The following NTN1 variants were observed in gnomAD, a reference collection of about 807,000 sequenced individuals.
NTN1 encodes the protein netrin-1.
NTN1 carries 11 observed loss-of-function variants against 54.2 expected under a neutral mutation model. That is an observed-to-expected ratio of 0.20 (90% CI 0.13 to 0.34). The LOEUF is 0.34. Among genes scored for constraint, NTN1 ranks in the 10% least tolerant of loss-of-function variants. The pLI is 1.00. For synonymous variants in NTN1, 371 were observed against 382.0 expected, an observed-to-expected ratio of 0.97 and a Z score of 0.33; for missense variants, 740 against 893.1, an observed-to-expected ratio of 0.83 and a Z score of 2.18.
chr17:9,187,279 A>C (rs527927274), intron 5 of NTN1, among the ~76,000 whole-genome samples: 14 of 152,214 alleles, frequency 9.2e-5, no homozygotes, highest in African/African-American at 3.4e-4. Context: ...GGAAGTCACA[A>C]GTTGGACTGC....
intron 2 of NTN1, among the ~76,000 whole-genome samples, chr17:9,054,107 C>T (rs2091969983): frequency 1.3e-5 from 2 of 152,174 alleles, no homozygotes; most frequent in African/African-American, 4.8e-5. Context: ...AAAAAGGAGA[C>T]TCCAGCCTGA....
At chr17:9,168,515 A>G (rs1221634553) in intron 3 of NTN1, among the ~76,000 whole-genome samples, 1 of 149,628 alleles carries the variant, frequency 6.7e-6, no homozygotes, top group African/African-American at 2.5e-5. Context: ...CTGGGCAACG[A>G]GAGTGAAACG....
intron 2 of NTN1, among the ~76,000 whole-genome samples, chr17:9,131,151 C>T (rs2092263824): frequency 6.6e-6 from 1 of 152,202 alleles, no homozygotes; most frequent in Admixed American, 6.5e-5. Context: ...TGGCTCACAT[C>T]TTAACTTCTT....
chr17:9,063,254 G>A (rs914895787), intron 2 of NTN1, among the ~76,000 whole-genome samples: 19 of 151,880 alleles, frequency 1.3e-4, no homozygotes, highest in African/African-American at 4.4e-4. Flanking sequence ...TGGCCACCAT[G>A]CTCAGCTAAT....
chr17:9,199,748 G>A (rs1904730986), intron 5 of NTN1, among the ~76,000 whole-genome samples: 1 of 152,246 alleles, frequency 6.6e-6, no homozygotes, highest in African/African-American at 2.4e-5. Flanking sequence ...CTATCTGCCT[G>A]GTTGGGCGGG....
chr17:9,236,127 G>T (rs1054268007), intron 6 of NTN1, among the ~76,000 whole-genome samples: 2 of 103,696 alleles, frequency 1.9e-5, no homozygotes. Flanking sequence ...AAGAATTTGG[G>T]GGGGGGGGTA....
At chr17:9,121,110 T>A (rs1168286500) in intron 2 of NTN1, among the ~76,000 whole-genome samples, 4 of 152,114 alleles carry the variant, frequency 2.6e-5, no homozygotes, top group Non-Finnish European at 5.9e-5. Context: ...AGGAAGCGGA[T>A]GGCCCTGTCG....
chr17:9,155,346 G>GT (rs5819216), intron 2 of NTN1, among the ~76,000 whole-genome samples: 16,673 of 142,766 alleles, frequency 0.12, 1,206 homozygotes, highest in Middle Eastern at 0.18. Context: ...TTTCTTTTTT[G>GT]TTTTTTTTTT....
chr17:9,033,615 T>TA (rs59990370), intron 2 of NTN1, among the ~76,000 whole-genome samples: 116,443 of 151,920 alleles, frequency 0.77, 44,850 homozygotes, highest in African/African-American at 0.79. Context: ...TCTACAAAAA[T>TA]AAAAAAGAAA....
At chr17:9,049,468 A>G (rs2091952705) in intron 2 of NTN1, among the ~76,000 whole-genome samples, 1 of 152,234 alleles carries the variant, frequency 6.6e-6, no homozygotes, top group South Asian at 2.1e-4. Context: ...CATCACCAGT[A>G]ATGGACATAG....
At chr17:9,225,134 C>T (rs2142360968) in intron 6 of NTN1, among the ~76,000 whole-genome samples, 1 of 152,152 alleles carries the variant, frequency 6.6e-6, no homozygotes, top group South Asian at 2.1e-4. Context: ...TGGTGGTGTG[C>T]ACCTGTAATC....
Position 9,230,248 on chromosome 17 carries a change from A to T in NTN1, c.1486+9006A>T, listed in dbSNP as rs144351941. On this transcript the variant is annotated intron_variant, in intron 6 of 6. Transcript: ENST00000173229. ...AGGAGCACCCTGGGGGCTGTCCCCC[A>T]AGGTCAGGGCCCCTGCTGTGGGCCC... Among the ~76,000 whole-genome samples, 27 of 152,210 alleles carry T rather than the reference A, an allele frequency of 1.8e-4. 2 individuals carry two copies. In the East Asian group the frequency reaches 5.0e-3, roughly 28 times the overall value.
chr17:9,098,573 G>A (rs566756063), intron 2 of NTN1, among the ~76,000 whole-genome samples: 3 of 152,320 alleles, frequency 2.0e-5, no homozygotes, highest in East Asian at 3.9e-4. Context: ...TTCCTGTGGC[G>A]TCAGACACAG....
At chr17:9,027,207 G>A (rs960535947) in intron 2 of NTN1, among the ~76,000 whole-genome samples, 3 of 152,134 alleles carry the variant, frequency 2.0e-5, no homozygotes, top group African/African-American at 7.2e-5. Context: ...CTGGCACATA[G>A]CTATAGATGA....
intron 6 of NTN1, among the ~76,000 whole-genome samples, chr17:9,225,103 A>G (rs1457753992): frequency 2.6e-5 from 4 of 152,166 alleles, no homozygotes; most frequent in Admixed American, 2.6e-4. Flanking sequence ...TCTATTAAAA[A>G]TACAAAAAAT....
chr17:9,181,680 A>G (rs1002071283), intron 4 of NTN1, among the ~76,000 whole-genome samples: 3 of 152,180 alleles, frequency 2.0e-5, no homozygotes, highest in African/African-American at 7.2e-5. Flanking sequence ...GCCCATGTCC[A>G]TCCACCAAGC....
At chr17:9,127,766 G>T (rs1372876528) in intron 2 of NTN1, among the ~76,000 whole-genome samples, 1 of 152,138 alleles carries the variant, frequency 6.6e-6, no homozygotes, top group African/African-American at 2.4e-5. Context: ...GACATGAGCG[G>T]CTTGGGTTGG....
intron 3 of NTN1, among the ~76,000 whole-genome samples, chr17:9,178,702 C>T (rs1597521715): frequency 6.6e-6 from 1 of 152,232 alleles, no homozygotes. Context: ...CGCCTTACTG[C>T]AGACGACTCC....
At chr17:9,003,918 A>G in the NTN1 span, among the ~76,000 whole-genome samples, 1 of 151,694 alleles carries the variant, frequency 6.6e-6, no homozygotes, top group Admixed American at 6.6e-5. This position sits in a 1 kb window ranked among gnomAD's most constrained non-coding sequence, Gnocchi z 7.4. Context: ...CCATTTCCAT[A>G]CAGCTCCGGC....
Sources: allele counts gnomAD v4.1 joint callset (sites outside exome capture counted in the v4.1 genomes callset), GRCh38; gene constraint gnomAD v4.1.1; non-coding constraint Gnocchi (gnomAD v3.1); transcripts MANE v1.5; gene names NCBI Gene and HGNC (gene_info 2026-07-23, HGNC 2026-07-21).